POLE: variants seen among roughly 807,000 people sequenced by gnomAD.
POLE encodes DNA polymerase epsilon, catalytic subunit, also known as DNA polymerase epsilon catalytic subunit A.
POLE carries 188 observed loss-of-function variants against 279.2 expected under a neutral mutation model. The observed-to-expected ratio is 0.67, with a 90% CI of 0.60 to 0.76. The LOEUF (loss-of-function observed/expected upper bound fraction) is 0.76, where lower values mean the gene tolerates loss of function less well. Among genes scored for constraint, POLE ranks in the 30% least tolerant of loss-of-function variants. The pLI is 0.00. For missense variants in POLE, 2,703 were observed against 3,016.7 expected (o/e 0.90, Z 2.44); for synonymous variants, 1,214 against 1,172.5 (o/e 1.04, Z -0.72).
chr12:132,687,162 GCCTCCCTCCCGCCTCGGCGGCGCC>G, intron 1 of POLE, 68 bp downstream of exon 1: 1 of 761,770 alleles, frequency 1.3e-6, no homozygotes, highest in Non-Finnish European at 1.8e-6. Flanking sequence ...CGGGAACCGG[GCCTCCCTCCCGCCTCGGCGGCGCC>G]AGCCGAGGAC....
chr12:132,675,815 A>G lies in POLE; in HGVS notation c.1026T>C (p.His342=), dbSNP rs1472394680. ...FCVFNEPDEA[H]LIQRWFEHVQ... is the part of the protein sequence containing the mutation. ...CGTGTTCAAACCACCTTTGGATCAG[A>G]TGAGCCTGAACCCAAGTCACAGCAG... Residue 342 remains histidine (H), a synonymous_variant, in exon 11 of 49, where the codon CAT becomes CAC. Transcript: ENST00000320574. This position sits in a 1 kb window ranked among gnomAD's most constrained non-coding sequence, Gnocchi z 4.3. The G allele has an allele frequency of 6.2e-6, 10 of 1,613,390 alleles. No individual in the cohort carries two copies. In the East Asian group the frequency reaches 1.8e-4, roughly 29 times the overall value.
Position 132,675,939 on chromosome 12 carries a change from C to T in POLE, c.1021-119G>A. 1.1e-6 allele frequency: 1 copy of T among 946,050 alleles called. No individual in the cohort carries two copies. Among genetic ancestry groups the T allele is most frequent in the Non-Finnish European group, 1.7e-6 (1 of 601,780 alleles). 58.6% of individuals were successfully genotyped at this position (946,050 alleles called of 1,614,324 possible). A position where few individuals can be genotyped will look rare whatever the true frequency, so the allele number is the denominator to read the frequency against. On this transcript the variant is annotated intron_variant, in intron 10 of 48. Coordinates refer to ENST00000320574, the MANE Select transcript of POLE (RefSeq NM_006231.4). The surrounding 1 kb of genome is among the most constrained non-coding windows in gnomAD (Gnocchi z 4.3). ...GTTGGCCCTTATTCCTGCCCCGCCC[C>T]TCCGCCCGTCTCTGGCAGAAAAGAC...
intron 45 of POLE, among the ~76,000 whole-genome samples, chr12:132,629,707 A>C (rs959665531): frequency 6.6e-6 from 1 of 152,272 alleles, no homozygotes; most frequent in Admixed American, 6.5e-5. Context: ...AACTTTCTCC[A>C]TATCAGCAAC....
intron 16 of POLE, among the ~76,000 whole-genome samples, chr12:132,671,678 G>GAAAAAAAAAAAAA: frequency 1.4e-5 from 1 of 72,546 alleles, no homozygotes; most frequent in Non-Finnish European, 2.4e-5. Flanking sequence ...CTCAAAAAGG[G>GAAAAAAAAAAAAA]AAAAAAAAAA....
Position 132,668,337 on chromosome 12 carries a change from A to G in POLE, c.2173+19T>C, listed in dbSNP as rs1296118153. ...CAGGAGCCACATCTTTACAGCCGTG[A>G]CCATGCCCAGGCACTCACCCGCCAG... On this transcript the variant is annotated intron_variant, in intron 19 of 48. Coordinates refer to ENST00000320574, the MANE Select transcript of POLE (RefSeq NM_006231.4). This position sits in a 1 kb window ranked among gnomAD's most constrained non-coding sequence, Gnocchi z 4.0. 1.3e-6 allele frequency: 2 copies of G among 1,549,484 alleles called. No individual in the cohort carries two copies. The highest frequency in any genetic ancestry group is 2.5e-5 in the South Asian group (2 of 80,820).
chr12:132,643,181 C>G (rs767766868), intron 35 of POLE, 43 bp downstream of exon 35: 2 of 1,593,708 alleles, frequency 1.3e-6, no homozygotes, highest in South Asian at 2.2e-5. Flanking sequence ...TTCCCCAAAC[C>G]CTGCCCCAGC....
rs1392954149 is a variant in POLE, at chr12:132,677,413, T to A, written c.751A>T (p.Asn251Tyr). The change falls in exon 8 of 49, where the codon AAT becomes TAT. Residue 251 changes from asparagine to tyrosine, a missense_variant. By Grantham distance (143) the Asn-to-Tyr change is moderately radical. This residue lies in a region of POLE where 1,011 missense variants were observed against 1,111.7 expected (regional missense o/e 0.91). Coordinates refer to ENST00000320574, the MANE Select transcript of POLE (RefSeq NM_006231.4). ...AHWYNVRYRG[N>Y]AFPVEITRRD... Reference sequence around the variant, plus strand: ...CGGGTGATTTCTACCGGAAAAGCATTTCCTCGGTATCTGACATTGTACCAA... The same window carrying A: ...CGGGTGATTTCTACCGGAAAAGCATATCCTCGGTATCTGACATTGTACCAA... 4 of 1,614,008 alleles carry A rather than the reference T, an allele frequency of 2.5e-6. No homozygotes were observed. The highest frequency in any genetic ancestry group is 2.7e-5 in the African/African-American group (2 of 74,924).
chr12:132,681,799 G>T (rs1273992324), intron 1 of POLE, among the ~76,000 whole-genome samples: 1 of 152,220 alleles, frequency 6.6e-6, no homozygotes, highest in African/African-American at 2.4e-5. Context: ...GCTAGACACT[G>T]TTGCCTCTTG....
intron 27 of POLE, 69 bp downstream of exon 27, chr12:132,657,799 C>T (rs931949127): frequency 6.0e-5 from 63 of 1,048,638 alleles, no homozygotes; most frequent in Non-Finnish European, 6.3e-5. Context: ...TAATCCAACT[C>T]AGACATATTC....
chr12:132,665,425 G>A lies in POLE; in HGVS notation c.2345C>T (p.Ala782Val), dbSNP rs2135962147. 6.2e-7 allele frequency: 1 copy of A among 1,611,764 alleles called. No individual in the cohort carries two copies. The highest frequency in any genetic ancestry group is 8.5e-7 in the Non-Finnish European group (1 of 1,179,774). ...HKVWKKKLSA[A>V]VEVGDAAEVK... ...CTCAGCCGCGTCGCCCACCTCCACG[G>A]CCGCCGAGAGCTTCTTTTTCCACAC... is the stretch of plus-strand genomic sequence containing the variant. Residue 782 changes from alanine to valine, a missense_variant, in exon 21 of 49, where the codon GCC becomes GTC. Coordinates refer to ENST00000320574, the MANE Select transcript of POLE (RefSeq NM_006231.4).
intron 29 of POLE, among the ~76,000 whole-genome samples, chr12:132,654,717 G>A (rs1408580922): frequency 6.6e-6 from 1 of 152,158 alleles, no homozygotes; most frequent in Admixed American, 6.5e-5. Flanking sequence ...AATTGAGCCT[G>A]GGAGGTCAAG....
At chr12:132,632,535 G>A (rs1183345154) in intron 44 of POLE, 27 bp from the exon 45 acceptor site, 4 of 1,611,674 alleles carry the variant, frequency 2.5e-6, no homozygotes, top group Non-Finnish European at 3.4e-6. Context: ...GCTGAGGGAG[G>A]GGTCTGGGAC....
In POLE at chr12:132,672,839, C is replaced by T. The variant is rs1374629879; in HGVS notation, c.1474G>A (p.Val492Met). 6.2e-7 allele frequency: 1 copy of T among 1,613,320 alleles called. No individual in the cohort carries two copies. The highest frequency in any genetic ancestry group is 1.7e-5 in the Admixed American group (1 of 59,912). ...CTIIPMEPDE[V>M]LRKGSGTLCE... ...AGAGTGCCAGAGCCCTTCCGCAGCA[C>T]CTGCAAGAGAAACCAAGGCTTCCAG... is the stretch of plus-strand genomic sequence containing the variant. Residue 492 changes from valine to methionine, a missense_variant and splice_region_variant, in exon 15 of 49, where the codon GTG becomes ATG. Around this residue, in one of 5 missense-constraint regions of POLE, gnomAD observed 1,011 missense variants for 1,111.7 expected, o/e 0.91. Coordinates refer to ENST00000320574, the MANE Select transcript of POLE (RefSeq NM_006231.4).
chr12:132,644,123 C>A (rs888501817), intron 32 of POLE, 146 bp from the exon 33 acceptor site: 1 of 670,022 alleles, frequency 1.5e-6, no homozygotes, highest in East Asian at 2.6e-5. Flanking sequence ...CCACCTCTCT[C>A]AATGATTACA....
intron 1 of POLE, 73 bp from the exon 2 acceptor site, chr12:132,681,352 CT>C (rs375211474): frequency 2.0e-4 from 288 of 1,439,108 alleles, no homozygotes; most frequent in Admixed American, 3.8e-4. Flanking sequence ...TCTTTTTTTT[CT>C]TTTTTTTTGA....
chr12:132,651,246 G>A (rs1370797555), intron 29 of POLE: 2 of 152,154 alleles, frequency 1.3e-5, no homozygotes, highest in African/African-American at 2.4e-5. Flanking sequence ...CATATGGTTC[G>A]TTCATTGTAA....
At chr12:132,680,445 C>G in intron 3 of POLE, 162 bp downstream of exon 3, 1 of 674,364 alleles carries the variant, frequency 1.5e-6, no homozygotes, top group South Asian at 1.8e-5. Context: ...TGACCTCTCT[C>G]AGGACATCTT....
chr12:132,634,192 C>T lies in POLE; in HGVS notation c.5998G>A (p.Val2000Ile), dbSNP rs867087573. 1.2e-6 allele frequency: 2 copies of T among 1,611,284 alleles called. No homozygotes were observed. Among genetic ancestry groups the T allele is most frequent in the Non-Finnish European group, 1.7e-6 (2 of 1,178,374 alleles). Residue 2000 changes from valine (V) to isoleucine (I), a missense_variant, in exon 43 of 49, where the codon GTT becomes ATT. Coordinates refer to ENST00000320574, the MANE Select transcript of POLE (RefSeq NM_006231.4). This position sits in a 1 kb window ranked among gnomAD's most constrained non-coding sequence, Gnocchi z 4.0. Reference sequence around the variant, plus strand: ...CCCTGGGCTCTGGGCTTACCTGAAACAATCATGAGGAAGTAGTTCTGGCAG... The same window carrying T: ...CCCTGGGCTCTGGGCTTACCTGAAATAATCATGAGGAAGTAGTTCTGGCAG... The part of the protein sequence containing the change: ...ASCQNYFLMI[V>I]SAYIVAVYHC...
intron 1 of POLE, among the ~76,000 whole-genome samples, chr12:132,686,749 A>G (rs2136049553): frequency 6.6e-6 from 1 of 152,058 alleles, no homozygotes; most frequent in South Asian, 2.1e-4. Flanking sequence ...AAAATAAAAC[A>G]GAGGAGACGA....
Sources: allele counts gnomAD v4.1 joint callset (sites outside exome capture counted in the v4.1 genomes callset), GRCh38; gene constraint gnomAD v4.1.1; regional missense constraint gnomAD v4.1.1; non-coding constraint Gnocchi (gnomAD v3.1); transcripts MANE v1.5; gene names NCBI Gene and HGNC (gene_info 2026-07-23, HGNC 2026-07-21).